Variants in LAMA2 observed in about 807,000 individuals in gnomAD.
The protein encoded by LAMA2 is laminin subunit alpha-2.
In LAMA2, 269 loss-of-function variants were observed where a neutral mutation model predicts 364.8. The observed-to-expected ratio is 0.74, with a 90% confidence interval of 0.67 to 0.82. The LOEUF (loss-of-function observed/expected upper bound fraction) is 0.82. Among genes scored for constraint, LAMA2 ranks in the 40% least tolerant of loss-of-function variants. LAMA2 has a pLI of 0.00. For missense variants in LAMA2, 3,807 were observed against 3,873.2 expected (o/e 0.98, Z 0.45); for synonymous variants, 1,379 against 1,370.6 (o/e 1.01, Z -0.14).
chr6:128,925,930 T>G (rs1779064121), intron 1 of LAMA2, among the ~76,000 whole-genome samples: 1 of 152,132 alleles, frequency 6.6e-6, no homozygotes, highest in Admixed American at 6.5e-5. Context: ...CTAAACTGAA[T>G]AGGCCATTTT....
chr6:128,883,797 T>TAC (rs1445558389), intron 1 of LAMA2, among the ~76,000 whole-genome samples: 4 of 133,792 alleles, frequency 3.0e-5, no homozygotes, highest in East Asian at 2.0e-4. Context: ...TATATATATA[T>TAC]ATATACACAC....
intron 23 of LAMA2, among the ~76,000 whole-genome samples, chr6:129,314,194 A>C (rs1774410374): frequency 6.6e-6 from 1 of 152,044 alleles, no homozygotes; most frequent in Non-Finnish European, 1.5e-5. Context: ...AGGTCAGGAG[A>C]TCGAGACAAT....
chr6:129,356,924 C>T (rs1469049014), intron 32 of LAMA2, among the ~76,000 whole-genome samples: 2 of 152,014 alleles, frequency 1.3e-5, no homozygotes, highest in African/African-American at 4.8e-5. Context: ...AGAAAAGATA[C>T]TAGCTGGGTG....
chr6:129,251,068 CTCTCTCTCTATATA>C (rs1224713150), intron 13 of LAMA2, among the ~76,000 whole-genome samples: 149 of 68,510 alleles, frequency 2.2e-3, no homozygotes, highest in Non-Finnish European at 3.0e-3. Context: ...CTCTCTCTCT[CTCTCTCTCTATATA>C]TATATATATA....
At chr6:129,340,478 G>C (rs925064723) in intron 29 of LAMA2, among the ~76,000 whole-genome samples, 1 of 152,046 alleles carries the variant, frequency 6.6e-6, no homozygotes, top group Admixed American at 6.6e-5. Flanking sequence ...AAATAATGTG[G>C]CAATATACTG....
intron 46 of LAMA2, 64 bp downstream of exon 46, chr6:129,453,195 A>C: frequency 7.0e-7 from 1 of 1,433,684 alleles, no homozygotes; most frequent in Non-Finnish European, 9.8e-7. Context: ...TTAATCTGAA[A>C]ATGTATAGAA....
intron 21 of LAMA2, 144 bp downstream of exon 21, chr6:129,298,009 C>A: frequency 2.3e-6 from 1 of 444,414 alleles, no homozygotes; most frequent in Non-Finnish European, 3.5e-6. Flanking sequence ...TTTTACGTTA[C>A]TTAAAAAATG....
intron 58 of LAMA2, among the ~76,000 whole-genome samples, chr6:129,492,821 T>C (rs538761657): frequency 6.6e-6 from 1 of 152,304 alleles, no homozygotes; most frequent in Admixed American, 6.5e-5. Context: ...TTGTATACAA[T>C]TTGGTGTCCT....
rs1368382403 is a variant in LAMA2 at position 129,313,035 on chromosome 6, AC to A, written c.3351del (p.Cys1118ValfsTer21). The stretch of plus-strand genomic sequence containing the variant: ...CTTCCTCCCTGGGACAGATGCCACA[AC>A]CTGTGATTCAGAGACTAAAAAATGC... ...DCFLPGTDAT[T>X]CDSETKKCSC... On this transcript the variant is annotated frameshift_variant, in exon 23 of 65. Transcript: ENST00000421865. LOFTEE classifies it high-confidence loss of function. The A allele has an allele frequency of 6.2e-7, 1 of 1,614,160 alleles. No homozygotes were observed. The highest frequency in any genetic ancestry group is 8.5e-7 in the Non-Finnish European group (1 of 1,179,988).
intron 4 of LAMA2, among the ~76,000 whole-genome samples, chr6:129,127,783 A>C (rs527410947): frequency 1.4e-3 from 210 of 151,698 alleles, no homozygotes; most frequent in African/African-American, 4.9e-3. Flanking sequence ...TTTTTCATTT[A>C]TCTCTTGGCC....
chr6:129,214,521 A>T (rs1263939769), intron 12 of LAMA2, among the ~76,000 whole-genome samples: 1 of 152,186 alleles, frequency 6.6e-6, no homozygotes, highest in East Asian at 1.9e-4. Flanking sequence ...TTCTAGTGCC[A>T]TTTGTTGAAA....
chr6:129,297,995 T>G, intron 21 of LAMA2, 130 bp downstream of exon 21: 1 of 583,194 alleles, frequency 1.7e-6, no homozygotes, highest in Non-Finnish European at 2.7e-6. Context: ...TAATGTCTAC[T>G]TATTTTTACG....
At chr6:128,926,129 A>G (rs1446620110) in intron 1 of LAMA2, among the ~76,000 whole-genome samples, 2 of 152,138 alleles carry the variant, frequency 1.3e-5, no homozygotes, top group African/African-American at 4.8e-5. Flanking sequence ...TTCTATTTGA[A>G]AGTTGTGTGC....
chr6:129,102,770 T>C (rs1775592132), intron 4 of LAMA2, among the ~76,000 whole-genome samples: 1 of 152,238 alleles, frequency 6.6e-6, no homozygotes, highest in African/African-American at 2.4e-5. Flanking sequence ...TCATCCTGTG[T>C]GAACTTTCTG....
At chr6:128,957,836 A>ATTTTTTTT (rs10652900) in intron 1 of LAMA2, among the ~76,000 whole-genome samples, 20 of 51,246 alleles carry the variant, frequency 3.9e-4, no homozygotes, top group South Asian at 9.7e-4. Flanking sequence ...TACTTCATGC[A>ATTTTTTTT]TTTTTTTTTT....
At chr6:129,461,075 A>G (rs1783230639) in intron 49 of LAMA2, among the ~76,000 whole-genome samples, 1 of 152,040 alleles carries the variant, frequency 6.6e-6, no homozygotes, top group Non-Finnish European at 1.5e-5. Context: ...AGGATTTCTC[A>G]GCATAAAAAT....
intron 12 of LAMA2, among the ~76,000 whole-genome samples, chr6:129,209,215 T>C (rs1485949451): frequency 1.3e-5 from 2 of 152,220 alleles, no homozygotes; most frequent in Non-Finnish European, 2.9e-5. Context: ...TGCTTTATTT[T>C]GCTTTTTTTG....
At chr6:128,896,995 G>A (rs999380827) in intron 1 of LAMA2, among the ~76,000 whole-genome samples, 7 of 152,312 alleles carry the variant, frequency 4.6e-5, no homozygotes, top group Admixed American at 3.3e-4. Flanking sequence ...TTTATCAAAG[G>A]TAGATGCTAT....
chr6:129,235,954 A>C (rs576147029), intron 12 of LAMA2, among the ~76,000 whole-genome samples: 1 of 152,332 alleles, frequency 6.6e-6, no homozygotes, highest in East Asian at 1.9e-4. Flanking sequence ...AATACTGTGC[A>C]ATGTACTTAC....
Sources: gnomAD v4.1 joint callset for allele counts (sites outside exome capture counted in the v4.1 genomes callset) on GRCh38, gnomAD v4.1.1 for gene constraint, MANE v1.5 for transcripts, NCBI Gene and HGNC (gene_info 2026-07-23, HGNC 2026-07-21) for gene names.